Variants in PLXNA4 observed in about 807,000 individuals in gnomAD.
PLXNA4 encodes plexin A4, also known as plexin-A4.
In PLXNA4, 44 loss-of-function variants were observed where a neutral mutation model predicts 191.8. That is an observed-to-expected ratio of 0.23 (90% CI 0.18 to 0.29). The LOEUF is 0.29. Among genes scored for constraint, PLXNA4 ranks in the 10% least tolerant of loss-of-function variants. The pLI is 1.00. For missense variants in PLXNA4, 1,800 were observed against 2,488.8 expected (o/e 0.72, Z 5.89); for synonymous variants, 1,082 against 1,009.5 (o/e 1.07, Z -1.36).
At chr7:132,165,582 A>T (rs141280842) in intron 22 of PLXNA4, among the ~76,000 whole-genome samples, 2 of 152,334 alleles carry the variant, frequency 1.3e-5, no homozygotes, top group East Asian at 1.9e-4. Context: ...ATGTGGCAGC[A>T]TGTCTGAGGA....
chr7:132,500,646 GCCCCTTTCTGT>G (rs1188487083), intron 2 of PLXNA4, among the ~76,000 whole-genome samples: 1 of 152,062 alleles, frequency 6.6e-6, no homozygotes, highest in African/African-American at 2.4e-5. Flanking sequence ...ATATTATTAC[GCCCCTTTCTGT>G]CCCCTTGGGT....
chr7:132,590,063 T>C (rs6951616), intron 2 of PLXNA4, among the ~76,000 whole-genome samples: 64,151 of 152,126 alleles, frequency 0.42, 14,106 homozygotes, highest in East Asian at 0.53. Flanking sequence ...AAATGGAACA[T>C]GCAAATACAC....
chr7:132,613,895 G>A (rs754726730), intron 2 of PLXNA4, among the ~76,000 whole-genome samples: 1 of 152,230 alleles, frequency 6.6e-6, no homozygotes, highest in Non-Finnish European at 1.5e-5. Flanking sequence ...AAGGTGGGCA[G>A]GTTACTTCTG....
chr7:132,633,946 CGCACAT>C (rs1362255705), intron 2 of PLXNA4, among the ~76,000 whole-genome samples: 7 of 152,174 alleles, frequency 4.6e-5, no homozygotes, highest in African/African-American at 1.4e-4. Flanking sequence ...CACACACACA[CGCACAT>C]GCACCACACT....
chr7:132,400,007 T>C (rs1433099954), intron 3 of PLXNA4, among the ~76,000 whole-genome samples: 1 of 152,194 alleles, frequency 6.6e-6, no homozygotes, highest in African/African-American at 2.4e-5. Flanking sequence ...CTACATCTTC[T>C]GGGCATTTGT....
At position 132,127,810 on chromosome 7, in the gene PLXNA4, AT is replaced by A. The variant is rs1794811592; in HGVS notation, c.*2668del. The A allele has an allele frequency of 6.6e-6, 1 of 151,982 alleles. No individual in the cohort carries two copies. The highest frequency in any genetic ancestry group is 1.5e-5 in the Non-Finnish European group (1 of 68,008). 9.4% of individuals were successfully genotyped at this position (151,982 alleles called of 1,614,324 possible). On this transcript the variant is annotated 3_prime_UTR_variant, in exon 32 of 32. Coordinates refer to ENST00000321063, the MANE Select transcript of PLXNA4 (RefSeq NM_020911.2). The stretch of plus-strand genomic sequence containing the variant: ...TCTCCTCTTTCTTCCTAACCTTTCT[AT>A]TTCTCTGAGGTGTTTGAAATTTTTC...
chr7:132,144,684 C>T (rs1795367238), intron 29 of PLXNA4, among the ~76,000 whole-genome samples: 1 of 152,228 alleles, frequency 6.6e-6, no homozygotes, highest in African/African-American at 2.4e-5. Flanking sequence ...ATTTGTCCCA[C>T]ACCAGCAGAC....
intron 2 of PLXNA4, among the ~76,000 whole-genome samples, chr7:132,612,697 ACT>A (rs928887629): frequency 4.7e-5 from 7 of 147,682 alleles, no homozygotes; most frequent in African/African-American, 1.3e-4. Context: ...CCTCATCCTG[ACT>A]CTTTCTCCCT....
chr7:132,427,166 G>A (rs1408251971), intron 3 of PLXNA4, among the ~76,000 whole-genome samples: 4 of 152,216 alleles, frequency 2.6e-5, no homozygotes, highest in African/African-American at 9.6e-5. Context: ...AGGGCAGAGG[G>A]AAGAGCTTCT....
intron 25 of PLXNA4, among the ~76,000 whole-genome samples, chr7:132,152,052 G>A (rs983383723): frequency 1.3e-5 from 2 of 152,140 alleles, no homozygotes; most frequent in Non-Finnish European, 2.9e-5. Flanking sequence ...GGCTCATCAC[G>A]GAATGTCTCA....
rs1185418523 is a variant in PLXNA4 at position 132,576,468 on chromosome 7, A to G, written c.-133T>C. On this transcript the variant is annotated 5_prime_UTR_variant, in exon 1 of 32. Transcript: ENST00000321063. The surrounding 1 kb of genome is among the most constrained non-coding windows in gnomAD (Gnocchi z 5.8). The stretch of plus-strand genomic sequence containing the variant: ...CCTTCAGCGGGAGCGCCGCATTGAC[A>G]CTGCAGATGGAGCCTATGCCGCTGC... The G allele has an allele frequency of 2.0e-6, 2 of 984,542 alleles. No homozygotes were observed. Among genetic ancestry groups the G allele is most frequent in the Non-Finnish European group, 2.4e-6 (2 of 829,638 alleles). The allele number at this position is 984,542 out of a possible 1,614,324, so 61.0% of individuals were successfully genotyped here. A position where few individuals can be genotyped will look rare whatever the true frequency, so the allele number is the denominator to read the frequency against.
Position 132,615,347 on chromosome 7 carries a change from C to T in PLXNA4, c.-87+30581G>A, listed in dbSNP as rs892122159. ...TGACGCCTGTGCAGCACGAACCCCA[C>T]TCGCGTCCTGTCTGCCTGGACTGCC... On this transcript the variant is annotated intron_variant, in intron 2 of 4. Transcript: ENST00000378539. Among the ~76,000 whole-genome samples, 7 of 152,174 alleles carry T rather than the reference C, an allele frequency of 4.6e-5. No homozygotes were observed. In the South Asian group the frequency reaches 1.0e-3, roughly 22 times the overall value.
At chr7:132,230,954 G>A (rs996621679) in intron 5 of PLXNA4, among the ~76,000 whole-genome samples, 2 of 152,192 alleles carry the variant, frequency 1.3e-5, no homozygotes, top group African/African-American at 2.4e-5. Context: ...GGGAGGAAGA[G>A]GTGGCACACA....
At chr7:132,433,904 C>G (rs1314110026) in intron 3 of PLXNA4, among the ~76,000 whole-genome samples, 1 of 152,184 alleles carries the variant, frequency 6.6e-6, no homozygotes, top group Non-Finnish European at 1.5e-5. Flanking sequence ...AAGTGCCTGA[C>G]ATGCTAACAC....
At chr7:132,600,459 G>A (rs1352357597) in intron 2 of PLXNA4, among the ~76,000 whole-genome samples, 1 of 152,162 alleles carries the variant, frequency 6.6e-6, no homozygotes, top group Non-Finnish European at 1.5e-5. Flanking sequence ...AATCTCTTGG[G>A]CTCAAGCAAT....
chr7:132,309,934 C>T (rs1484802949), intron 3 of PLXNA4, among the ~76,000 whole-genome samples: 3 of 152,168 alleles, frequency 2.0e-5, no homozygotes, highest in Non-Finnish European at 4.4e-5. Flanking sequence ...AGCAGCTTCA[C>T]CTCCCTCTCC....
intron 16 of PLXNA4, 53 bp downstream of exon 16, chr7:132,185,246 G>T: frequency 6.4e-7 from 1 of 1,556,570 alleles, no homozygotes. Flanking sequence ...CAAGAGTCAG[G>T]GAAGGGAAAC....
At chr7:132,192,143 C>T (rs1484553960) in intron 14 of PLXNA4, among the ~76,000 whole-genome samples, 1 of 152,160 alleles carries the variant, frequency 6.6e-6, no homozygotes, top group Non-Finnish European at 1.5e-5. Flanking sequence ...TGGCACGACA[C>T]TCACGTTTCT....
At chr7:132,384,753 CA>C in intron 3 of PLXNA4, 1 of 382,858 alleles carries the variant, frequency 2.6e-6, no homozygotes, top group Non-Finnish European at 3.4e-6. Context: ...CATACACACA[CA>C]CACACACACA....
Sources: gnomAD v4.1 joint callset for allele counts (sites outside exome capture counted in the v4.1 genomes callset) on GRCh38, gnomAD v4.1.1 for gene constraint, Gnocchi (gnomAD v3.1) non-coding constraint, MANE v1.5 for transcripts, NCBI Gene and HGNC (gene_info 2026-07-23, HGNC 2026-07-21) for gene names.